ARHGAP25: variants seen among roughly 807,000 people sequenced by gnomAD.
ARHGAP25 encodes the protein rho GTPase-activating protein 25.
In ARHGAP25, 34 loss-of-function variants were observed where a neutral mutation model predicts 71.0. The ratio of observed to expected loss-of-function variants is 0.48; its 90% CI spans 0.36 to 0.64. The LOEUF (loss-of-function observed/expected upper bound fraction) is 0.64. Among genes scored for constraint, ARHGAP25 ranks in the 30% least tolerant of loss-of-function variants. The pLI is 0.00. For synonymous variants in ARHGAP25, 282 were observed against 296.5 expected (o/e 0.95, Z 0.50); for missense variants, 706 against 805.1 (o/e 0.88, Z 1.49).
intron 10 of ARHGAP25, among the ~76,000 whole-genome samples, chr2:68,825,006 A>C (rs958808526): frequency 6.6e-6 from 1 of 152,138 alleles, no homozygotes; most frequent in Non-Finnish European, 1.5e-5. Flanking sequence ...GCATGTGTAC[A>C]CTCATTCCTA....
At chr2:68,750,676 G>A (rs1462212667) in intron 1 of ARHGAP25, among the ~76,000 whole-genome samples, 1 of 152,180 alleles carries the variant, frequency 6.6e-6, no homozygotes, top group Non-Finnish European at 1.5e-5. Flanking sequence ...GCGTCTGTGT[G>A]TGTGTGTTGT....
At chr2:68,810,888 C>A (rs1432675804) in intron 5 of ARHGAP25, among the ~76,000 whole-genome samples, 1 of 151,922 alleles carries the variant, frequency 6.6e-6, no homozygotes, top group Non-Finnish European at 1.5e-5. Context: ...ATTAAAGGCA[C>A]CTGCCACCAC....
At chr2:68,723,490 G>A (rs1674812919) in intron 2 of ARHGAP25, among the ~76,000 whole-genome samples, 1 of 152,170 alleles carries the variant, frequency 6.6e-6, no homozygotes, top group Admixed American at 6.5e-5. Context: ...GCTGAGTCCT[G>A]CAGGCCTCTA....
In ARHGAP25 at chr2:68,819,200, C is replaced by A. The variant is rs149839883; in HGVS notation, c.1081C>A (p.Pro361Thr). The change falls in exon 9 of 11, where the codon CCC (proline) becomes ACC (threonine). Residue 361 changes from proline (P) to threonine (T), a missense_variant. Transcript: ENST00000409202. ...CCTCTTCCCCAAGTCCAAGGATATA[C>A]CCCTGTCACCCCCTGCCCAGAAAAA... ...EVLFPKSKDIPLSPPAQKNDP... is the reference protein window; with the variant it reads ...EVLFPKSKDITLSPPAQKNDP... 38 of 1,613,936 alleles carry A rather than the reference C, an allele frequency of 2.4e-5. No individual in the cohort carries two copies. The African/African-American group carries it at 3.9e-4, about 16-fold the overall frequency.
chr2:68,726,340 C>T lies in ARHGAP25; in HGVS notation c.-18+15642C>T, dbSNP rs377618558. Among the ~76,000 whole-genome samples the T allele has an allele frequency of 1.2e-4, 18 of 152,262 alleles. No individual in the cohort carries two copies. The East Asian group carries it at 2.3e-3, about 20-fold the overall frequency. On this transcript the variant is annotated intron_variant and NMD_transcript_variant, in intron 2 of 7. Coordinates refer to the ARHGAP25 transcript ENST00000463483. ...AAGCTGTCAAATATTGGCAGCTTCA[C>T]GTGGTTCAAATTAATGTAACGTAAT...
intron 5 of ARHGAP25, among the ~76,000 whole-genome samples, chr2:68,809,797 A>G (rs1306770818): frequency 6.6e-6 from 1 of 152,102 alleles, no homozygotes; most frequent in Non-Finnish European, 1.5e-5. Flanking sequence ...CCACCCCAAG[A>G]TGCCCCCATT....
At chr2:68,714,536 G>A (rs764523867) in intron 2 of ARHGAP25, among the ~76,000 whole-genome samples, 9 of 152,070 alleles carry the variant, frequency 5.9e-5, no homozygotes, top group Non-Finnish European at 1.2e-4. Context: ...TTTTGAATGC[G>A]TTTGCTCTTG....
upstream of ARHGAP25, among the ~76,000 whole-genome samples, chr2:68,731,678 A>G (rs146454022): frequency 7.9e-4 from 120 of 151,930 alleles, no homozygotes; most frequent in African/African-American, 2.8e-3. Context: ...CCTCATTCAT[A>G]TTGTTGGTTT....
intron 2 of ARHGAP25, among the ~76,000 whole-genome samples, chr2:68,718,105 G>C (rs772206282): frequency 1.3e-5 from 2 of 151,138 alleles, no homozygotes; most frequent in Admixed American, 6.6e-5. Flanking sequence ...GTGTTATAAA[G>C]GGTTACAGAG....
chr2:68,780,609 C>T (rs537001506), intron 2 of ARHGAP25, among the ~76,000 whole-genome samples: 2 of 151,918 alleles, frequency 1.3e-5, no homozygotes, highest in South Asian at 4.2e-4. Flanking sequence ...CTTCCCCCTT[C>T]TCCCCTTCCT....
At chr2:68,719,893 C>A (rs1395238429) in intron 2 of ARHGAP25, among the ~76,000 whole-genome samples, 1 of 152,166 alleles carries the variant, frequency 6.6e-6, no homozygotes, top group African/African-American at 2.4e-5. Context: ...CTGACTCATG[C>A]CACCATCATA....
Position 68,826,568 on chromosome 2 carries a change from C to T in ARHGAP25, c.*374C>T, listed in dbSNP as rs952882936. 1 of 352,276 alleles carries T rather than the reference C, an allele frequency of 2.8e-6. No homozygotes were observed. Among genetic ancestry groups the T allele is most frequent in the Middle Eastern group, 1.0e-3 (1 of 976 alleles). 21.8% of individuals were successfully genotyped at this position (352,276 alleles called of 1,614,324 possible). A position where few individuals can be genotyped will look rare whatever the true frequency, so the allele number is the denominator to read the frequency against. On this transcript the variant is annotated 3_prime_UTR_variant, in exon 11 of 11. Coordinates refer to ENST00000409202, the MANE Select transcript of ARHGAP25 (RefSeq NM_001007231.3). ...TTTGTTTTTTGTGTGGAACAGCTCACCTTGTCAGACAGCCTCAGGGCATCT... is the reference window on the plus strand; with the variant it reads ...TTTGTTTTTTGTGTGGAACAGCTCATCTTGTCAGACAGCCTCAGGGCATCT...
At chr2:68,730,652 A>G (rs548221954), upstream of ARHGAP25, among the ~76,000 whole-genome samples, 831 of 102,948 alleles carry the variant, frequency 8.1e-3, 12 homozygotes, top group African/African-American at 0.034. Flanking sequence ...CCTGTCTCAG[A>G]AAAAAAAAAA....
At chr2:68,736,234 G>A (rs908497015) in intron 1 of ARHGAP25, among the ~76,000 whole-genome samples, 4 of 152,176 alleles carry the variant, frequency 2.6e-5, no homozygotes, top group African/African-American at 2.4e-5. Flanking sequence ...CATTAATGAT[G>A]TAGGTCTGAG....
chr2:68,740,090 C>G (rs1300685373), intron 1 of ARHGAP25, among the ~76,000 whole-genome samples: 1 of 152,126 alleles, frequency 6.6e-6, no homozygotes, highest in Non-Finnish European at 1.5e-5. Context: ...GTAGGGCATA[C>G]AGTTCAGTGG....
intron 4 of ARHGAP25, among the ~76,000 whole-genome samples, chr2:68,791,727 GA>G (rs1178382261): frequency 6.6e-6 from 1 of 152,070 alleles, no homozygotes; most frequent in African/African-American, 2.4e-5. Context: ...GTGCAGAGCC[GA>G]TGCCTCTTCT....
At chr2:68,763,595 A>G (rs1268492537) in intron 1 of ARHGAP25, among the ~76,000 whole-genome samples, 2 of 152,244 alleles carry the variant, frequency 1.3e-5, no homozygotes, top group African/African-American at 4.8e-5. Context: ...CTTTGAAAAC[A>G]TAAGACTTTT....
intron 1 of ARHGAP25, among the ~76,000 whole-genome samples, chr2:68,738,434 T>G (rs571681763): frequency 8.8e-4 from 134 of 152,238 alleles, no homozygotes; most frequent in African/African-American, 3.2e-3. Flanking sequence ...TGATTTGTGT[T>G]TGTTTGATGT....
intron 1 of ARHGAP25, among the ~76,000 whole-genome samples, chr2:68,758,157 A>G (rs1676591251): frequency 6.6e-6 from 1 of 152,040 alleles, no homozygotes; most frequent in Non-Finnish European, 1.5e-5. Flanking sequence ...ACTACAAAAA[A>G]ATCAACTAAC....
Sources: gnomAD v4.1 joint callset for allele counts (sites outside exome capture counted in the v4.1 genomes callset) on GRCh38, gnomAD v4.1.1 for gene constraint, MANE v1.5 for transcripts, NCBI Gene and HGNC (gene_info 2026-07-23, HGNC 2026-07-21) for gene names.